Variants in GFOD1 observed in about 807,000 individuals in gnomAD.
GFOD1 encodes Gfo/Idh/MocA-like oxidoreductase domain containing 1.
In GFOD1, 9 loss-of-function variants were observed where a neutral mutation model predicts 25.4. That is an observed-to-expected ratio of 0.35 (90% CI 0.21 to 0.62). GFOD1 has a LOEUF of 0.62. Among genes scored for constraint, GFOD1 ranks in the 20% least tolerant of loss-of-function variants. The pLI, the probability that GFOD1 is intolerant of heterozygous loss-of-function variation, is 0.72. For synonymous variants in GFOD1, 253 were observed against 245.6 expected (o/e 1.03, Z -0.28); for missense variants, 403 against 556.9 (o/e 0.72, Z 2.78).
chr6:13,452,242 G>A (rs1311084309), intron 1 of GFOD1, among the ~76,000 whole-genome samples: 1 of 152,202 alleles, frequency 6.6e-6, no homozygotes. Context: ...GTCAACTGGA[G>A]ACACTGGCAT....
chr6:13,392,224 GT>G (rs1171404203), intron 1 of GFOD1, among the ~76,000 whole-genome samples: 1 of 151,858 alleles, frequency 6.6e-6, no homozygotes, highest in Non-Finnish European at 1.5e-5. Flanking sequence ...TTAGCCAGGT[GT>G]GATGGTGTGC....
At chr6:13,470,967 A>G (rs894954526) in intron 1 of GFOD1, among the ~76,000 whole-genome samples, 5 of 152,216 alleles carry the variant, frequency 3.3e-5, no homozygotes, top group Admixed American at 2.0e-4. Flanking sequence ...AAAGAAAAAA[A>G]AAGCAATAAT....
chr6:13,455,557 G>T (rs1435221828), intron 1 of GFOD1, among the ~76,000 whole-genome samples: 5 of 152,226 alleles, frequency 3.3e-5, no homozygotes, highest in Non-Finnish European at 2.9e-5. Context: ...TGCAGGCAAA[G>T]GAGTAAACAT....
chr6:13,485,975 T>C (rs1259644045), intron 1 of GFOD1: 19 of 963,064 alleles, frequency 2.0e-5, no homozygotes, highest in African/African-American at 3.5e-5. Flanking sequence ...TTCTAATACA[T>C]CATCACCCCC....
At chr6:13,403,064 C>G (rs571943432) in intron 1 of GFOD1, among the ~76,000 whole-genome samples, 16 of 150,012 alleles carry the variant, frequency 1.1e-4, no homozygotes, top group Non-Finnish European at 1.8e-4. Flanking sequence ...TTACACAAAC[C>G]TAAATGGTAG....
In GFOD1 at chr6:13,362,401, G is replaced by T. The variant is rs1784960627; in HGVS notation, c.*2342C>A. The T allele has an allele frequency of 6.6e-6, 1 of 150,464 alleles. No homozygotes were observed. The highest frequency in any genetic ancestry group is 2.5e-5 in the African/African-American group (1 of 40,590). The allele number at this position is 150,464 out of a possible 1,614,324, so 9.3% of individuals were successfully genotyped here. A position where few individuals can be genotyped will look rare whatever the true frequency, so the allele number is the denominator to read the frequency against. On this transcript the variant is annotated 3_prime_UTR_variant, in exon 2 of 2. Transcript: ENST00000379287. ...CGCTTGAACCTGGGAGGCAGAGGTT[G>T]CAGTGAGCTGAGATCACACCACTGC...
At chr6:13,396,557 T>C (rs949428289) in intron 1 of GFOD1, among the ~76,000 whole-genome samples, 4 of 152,310 alleles carry the variant, frequency 2.6e-5, no homozygotes, top group Admixed American at 2.6e-4. Flanking sequence ...TCTTATAGAA[T>C]GGCAAAAGAG....
chr6:13,397,458 C>T (rs1337431093), intron 1 of GFOD1, among the ~76,000 whole-genome samples: 1 of 152,244 alleles, frequency 6.6e-6, no homozygotes, highest in Non-Finnish European at 1.5e-5. Context: ...TCACTTTTCA[C>T]TTCCTCTTTC....
intron 1 of GFOD1, among the ~76,000 whole-genome samples, chr6:13,427,992 C>T (rs981540409): frequency 2.0e-5 from 3 of 152,164 alleles, no homozygotes; most frequent in Non-Finnish European, 4.4e-5. Flanking sequence ...GTGTTGATGG[C>T]TCTCTTTTCA....
At chr6:13,407,451 C>A (rs1785967812) in intron 1 of GFOD1, among the ~76,000 whole-genome samples, 1 of 152,188 alleles carries the variant, frequency 6.6e-6, no homozygotes, top group Non-Finnish European at 1.5e-5. Flanking sequence ...TTCTTTGTCC[C>A]CATTTTCTTC....
intron 1 of GFOD1, among the ~76,000 whole-genome samples, chr6:13,433,986 G>A (rs535025474): frequency 5.1e-4 from 77 of 152,358 alleles, no homozygotes; most frequent in Non-Finnish European, 8.8e-4. Flanking sequence ...TGAATACTAA[G>A]AGGAAGTAAA....
chr6:13,427,899 T>C (rs1757672166), intron 1 of GFOD1, among the ~76,000 whole-genome samples: 1 of 152,154 alleles, frequency 6.6e-6, no homozygotes, highest in African/African-American at 2.4e-5. Context: ...CGTGACATTG[T>C]GGCCACCAAG....
intron 1 of GFOD1, among the ~76,000 whole-genome samples, chr6:13,392,679 C>G (rs1393356402): frequency 6.6e-6 from 1 of 151,986 alleles, no homozygotes; most frequent in Non-Finnish European, 1.5e-5. Context: ...TGACTCTTGT[C>G]ATTTCATATT....
chr6:13,396,633 G>C (rs1785738570), intron 1 of GFOD1, among the ~76,000 whole-genome samples: 2 of 152,280 alleles, frequency 1.3e-5, no homozygotes, highest in South Asian at 4.2e-4. Context: ...AGCCAGGTGG[G>C]TGGGAGGTAA....
chr6:13,450,294 A>T (rs993467985), intron 1 of GFOD1, among the ~76,000 whole-genome samples: 1 of 152,160 alleles, frequency 6.6e-6, no homozygotes. Context: ...GAGGGGCCCA[A>T]TCCTCTGTAG....
intron 1 of GFOD1, among the ~76,000 whole-genome samples, chr6:13,482,024 A>T (rs1347758992): frequency 2.0e-5 from 3 of 151,774 alleles, no homozygotes; most frequent in African/African-American, 4.8e-5. Context: ...GTAGCCAAAA[A>T]TAGGAGCAAT....
intron 1 of GFOD1, among the ~76,000 whole-genome samples, chr6:13,485,028 C>T (rs1222469618): frequency 6.6e-6 from 1 of 152,206 alleles, no homozygotes; most frequent in Non-Finnish European, 1.5e-5. Context: ...GGGAGTTATC[C>T]ACCCAACATA....
intron 1 of GFOD1, among the ~76,000 whole-genome samples, chr6:13,420,964 T>C (rs1020705945): frequency 1.3e-4 from 20 of 152,202 alleles, no homozygotes; most frequent in African/African-American, 4.6e-4. Flanking sequence ...CTAAGCACTA[T>C]TTATAGTGGC....
At chr6:13,465,985 G>A (rs1758373096) in intron 1 of GFOD1, among the ~76,000 whole-genome samples, 1 of 152,144 alleles carries the variant, frequency 6.6e-6, no homozygotes, top group Non-Finnish European at 1.5e-5. Flanking sequence ...ACTCAGCCTA[G>A]GTTGGATCTT....
Sources: gnomAD v4.1 joint callset for allele counts (sites outside exome capture counted in the v4.1 genomes callset) on GRCh38, gnomAD v4.1.1 for gene constraint, MANE v1.5 for transcripts, NCBI Gene and HGNC (gene_info 2026-07-23, HGNC 2026-07-21) for gene names.